ATP8B2: variants seen among roughly 807,000 people sequenced by gnomAD.
The protein encoded by ATP8B2 is ATPase phospholipid transporting 8B2.
Under a neutral mutation model 133.4 loss-of-function variants are expected in ATP8B2, and 70 were observed. That is an observed-to-expected ratio of 0.52 (90% CI 0.43 to 0.64). The LOEUF (loss-of-function observed/expected upper bound fraction) is 0.64. Ranked by LOEUF, ATP8B2 falls within the 30% of genes least tolerant of loss-of-function variation. The probability of loss-of-function intolerance (pLI) is 0.00; values close to 1 mark genes in which losing one functional copy is unlikely to be tolerated. For missense variants in ATP8B2, 1,101 were observed against 1,535.7 expected (o/e 0.72, Z 4.73); for synonymous variants, 517 against 589.5 (o/e 0.88, Z 1.78).
At position 154,349,178 on chromosome 1, in the gene ATP8B2, A is replaced by AG; in HGVS notation, c.*63dup. ...AGCACCCAGGGCTGGCCAGTCACTG[A>AG]GGGAACAGCGTCTCGGAACTGCTGG... On this transcript the variant is annotated 3_prime_UTR_variant, in exon 28 of 28. Coordinates refer to ENST00000368489, the MANE Select transcript of ATP8B2 (RefSeq NM_001370597.1). 1 of 1,569,944 alleles carries AG rather than the reference A, an allele frequency of 6.4e-7. No individual in the cohort carries two copies.
At chr1:154,332,759 C>A (rs562571797) in intron 9 of ATP8B2, 62 bp downstream of exon 9, 2 of 1,274,362 alleles carry the variant, frequency 1.6e-6, no homozygotes, top group Admixed American at 2.0e-5. Context: ...TGTTTGGGGG[C>A]GTTAAATTAT....
Position 154,343,703 on chromosome 1 carries a change from T to G in ATP8B2, c.1758+135T>G. On this transcript the variant is annotated intron_variant, in intron 17 of 27. Transcript: ENST00000368489. The surrounding 1 kb of genome is among the most constrained non-coding windows in gnomAD (Gnocchi z 5.8). Reference sequence around the variant, plus strand: ...TGATGTGTATATATAGTGAAGTGATTACTACAGTCAGACAACTTAACACAT... The same window carrying G: ...TGATGTGTATATATAGTGAAGTGATGACTACAGTCAGACAACTTAACACAT... The G allele has an allele frequency of 1.0e-6, 1 of 984,300 alleles. No homozygotes were observed. Among genetic ancestry groups the G allele is most frequent in the Non-Finnish European group, 1.5e-6 (1 of 662,842 alleles). 61.0% of individuals were successfully genotyped at this position (984,300 alleles called of 1,614,324 possible). A position where few individuals can be genotyped will look rare whatever the true frequency, so the allele number is the denominator to read the frequency against.
Position 154,343,211 on chromosome 1 carries a change from A to G in ATP8B2, c.1552A>G (p.Ile518Val), listed in dbSNP as rs1288657616. The change falls in exon 16 of 28, where the codon ATC becomes GTC. Residue 518 changes from isoleucine (I) to valine (V), a missense_variant. Coordinates refer to ENST00000368489, the MANE Select transcript of ATP8B2 (RefSeq NM_001370597.1). This position sits in a 1 kb window ranked among gnomAD's most constrained non-coding sequence, Gnocchi z 5.8. ...TTTCCGCTCTCGCACCCCCAAAACA[A>G]TCACCGTCCATGAGATGGGCACAGC... ...FVFRSRTPKT[I>V]TVHEMGTAIT... 1 of 1,614,098 alleles carries G rather than the reference A, an allele frequency of 6.2e-7. No homozygotes were observed. Among genetic ancestry groups the G allele is most frequent in the Non-Finnish European group, 8.5e-7 (1 of 1,180,020 alleles).
In ATP8B2 at chr1:154,344,945, C is replaced by A; in HGVS notation, c.2287-26C>A. 6.3e-7 allele frequency: 1 copy of A among 1,594,760 alleles called. No individual in the cohort carries two copies. On this transcript the variant is annotated intron_variant, in intron 21 of 27. Coordinates refer to ENST00000368489, the MANE Select transcript of ATP8B2 (RefSeq NM_001370597.1). The surrounding 1 kb of genome is among the most constrained non-coding windows in gnomAD (Gnocchi z 4.1). ...CCCAGGTGTCTCCTGGAAAGACTGG[C>A]TCTCTCAGGTTTCTCTGTGCTCCAG...
At chr1:154,348,355 G>A (rs564314548) in intron 26 of ATP8B2, 53 bp from the exon 27 acceptor site, 14 of 1,554,214 alleles carry the variant, frequency 9.0e-6, no homozygotes, top group Middle Eastern at 1.7e-4. Flanking sequence ...AAATGGGAAC[G>A]GGGAATGTCT....
In ATP8B2 at chr1:154,349,572, C is replaced by A; in HGVS notation, c.*454C>A. ...CAGAGACCTGCAGGGGCCTCGGCCC[C>A]TCACATCGTGTATGTCTCTCCTTGA... On this transcript the variant is annotated 3_prime_UTR_variant, in exon 28 of 28. Coordinates refer to ENST00000368489, the MANE Select transcript of ATP8B2 (RefSeq NM_001370597.1). 5.9e-6 allele frequency: 1 copy of A among 170,078 alleles called. No homozygotes were observed. Among genetic ancestry groups the A allele is most frequent in the Admixed American group, 5.5e-5 (1 of 18,150 alleles). 10.5% of individuals were successfully genotyped at this position (170,078 alleles called of 1,614,324 possible). A position where few individuals can be genotyped will look rare whatever the true frequency, so the allele number is the denominator to read the frequency against.
intron 2 of ATP8B2, chr1:154,329,055 A>G: frequency 1.5e-6 from 2 of 1,303,266 alleles, no homozygotes; most frequent in South Asian, 2.5e-5. Context: ...TGGAGCCGAA[A>G]GAAGCCCTCT....
Position 154,348,396 on chromosome 1 carries a change from C to T in ATP8B2, c.3164-12C>T. The T allele has an allele frequency of 6.3e-7, 1 of 1,595,674 alleles. No homozygotes were observed. Among genetic ancestry groups the T allele is most frequent in the Non-Finnish European group, 8.6e-7 (1 of 1,165,708 alleles). ...GTGACTCCCAAGGCCACTGACTCCT[C>T]TTCATCCCCAGGGAATGCCCAGAAC... On this transcript the variant is annotated splice_polypyrimidine_tract_variant and intron_variant, in intron 26 of 27. Transcript: ENST00000368489.
rs924610445 is a variant in ATP8B2 at position 154,345,949 on chromosome 1, C to T, written c.2778+66C>T. 3.5e-5 allele frequency: 50 copies of T among 1,411,424 alleles called. No individual in the cohort carries two copies. Among genetic ancestry groups the T allele is most frequent in the Middle Eastern group, 3.6e-4 (2 of 5,566 alleles). 87.4% of individuals were successfully genotyped at this position (1,411,424 alleles called of 1,614,324 possible). The stretch of plus-strand genomic sequence containing the variant: ...TCACTGCTTGAAGGAGTCACATAGA[C>T]GTGGTGTGTGACACTTGTGCCCATT... On this transcript the variant is annotated intron_variant, in intron 24 of 27. Transcript: ENST00000368489. The surrounding 1 kb of genome is among the most constrained non-coding windows in gnomAD (Gnocchi z 5.6).
In ATP8B2 at chr1:154,344,046, A is replaced by T; in HGVS notation, c.1912A>T (p.Asn638Tyr). The part of the protein sequence containing the change: ...RLASIYEEVE[N>Y]NMMLLGATAI... ...GGCTAGCATCTATGAGGAGGTTGAGAACAACATGATGGTACGGGCTGCGGG... is the reference window on the plus strand; with the variant it reads ...GGCTAGCATCTATGAGGAGGTTGAGTACAACATGATGGTACGGGCTGCGGG... The change falls in exon 18 of 28, where the codon AAC becomes TAC. Residue 638 changes from asparagine to tyrosine, a missense_variant. Physicochemically the swap from Asn to Tyr is moderately radical, Grantham distance 143. Transcript: ENST00000368489. This position sits in a 1 kb window ranked among gnomAD's most constrained non-coding sequence, Gnocchi z 4.1. 6 of 1,614,024 alleles carry T rather than the reference A, an allele frequency of 3.7e-6. No individual in the cohort carries two copies. The highest frequency in any genetic ancestry group is 5.1e-6 in the Non-Finnish European group (6 of 1,179,892).
chr1:154,341,899 G>A (rs1250826099), intron 13 of ATP8B2: 5 of 154,952 alleles, frequency 3.2e-5, no homozygotes, highest in Non-Finnish European at 7.2e-5. Flanking sequence ...GCTGTTTGAA[G>A]TGAGACACTG....
chr1:154,327,763 GCCGCCA>G, intron 1 of ATP8B2: 2 of 1,595,420 alleles, frequency 1.3e-6, no homozygotes, highest in Non-Finnish European at 1.7e-6. Flanking sequence ...ACTACTCATT[GCCGCCA>G]GAACACATGA....
At chr1:154,342,695 G>A in intron 14 of ATP8B2, 101 bp from the exon 15 acceptor site, 1 of 1,491,268 alleles carries the variant, frequency 6.7e-7, no homozygotes, top group South Asian at 1.2e-5. Flanking sequence ...GGTCCACCGT[G>A]GACAGGAGCC....
intron 11 of ATP8B2, among the ~76,000 whole-genome samples, chr1:154,336,640 A>G (rs34870927): frequency 0.4 from 61,029 of 151,540 alleles, 13,598 homozygotes; most frequent in East Asian, 0.61. Context: ...GGTGCCCGCC[A>G]CCACACCCGG....
Position 154,340,807 on chromosome 1 carries a change from C to T in ATP8B2, c.1035-47C>T, listed in dbSNP as rs1474768141. On this transcript the variant is annotated intron_variant, in intron 12 of 27. Transcript: ENST00000368489. This position sits in a 1 kb window ranked among gnomAD's most constrained non-coding sequence, Gnocchi z 4.0. ...AGCGAAGGCCCATGTGGGTGGGGCA[C>T]CTCCTCTTCTTCCCGACCCAAGCCT... 10 of 1,586,520 alleles carry T rather than the reference C, an allele frequency of 6.3e-6. No individual in the cohort carries two copies. Among genetic ancestry groups the T allele is most frequent in the Middle Eastern group, 1.8e-4 (1 of 5,500 alleles).
At position 154,343,861 on chromosome 1, in the gene ATP8B2, T is replaced by TA. The variant is rs774193666; in HGVS notation, c.1759-31dup. On this transcript the variant is annotated intron_variant, in intron 17 of 27. Transcript: ENST00000368489. The surrounding 1 kb of genome is among the most constrained non-coding windows in gnomAD (Gnocchi z 5.8). ...ACGCTGTCCATTAGCTCTCCAGACTTACCCAGGTGTGCCTTTCCACTCTGC... is the reference window on the plus strand; with the variant it reads ...ACGCTGTCCATTAGCTCTCCAGACTTAACCCAGGTGTGCCTTTCCACTCTGC... 6.3e-7 allele frequency: 1 copy of TA among 1,580,058 alleles called. No individual in the cohort carries two copies. Among genetic ancestry groups the TA allele is most frequent in the South Asian group, 1.2e-5 (1 of 86,650 alleles).
chr1:154,346,742 C>T lies in ATP8B2; in HGVS notation c.3147C>T (p.Asn1049=). ...HSNGLFDMFP[N]QFRFVGNAQN... Reference sequence around the variant, plus strand: ...ATGGGCTCTTCGACATGTTTCCCAACCAGTTCCGGTTTGTGGGTAAGTCCC... The same window carrying T: ...ATGGGCTCTTCGACATGTTTCCCAATCAGTTCCGGTTTGTGGGTAAGTCCC... The change falls in exon 26 of 28, where the codon AAC becomes AAT. Residue 1049 remains asparagine (N), a synonymous_variant. Transcript: ENST00000368489. The surrounding 1 kb of genome is among the most constrained non-coding windows in gnomAD (Gnocchi z 4.5). 5.6e-6 allele frequency: 9 copies of T among 1,614,204 alleles called. No individual in the cohort carries two copies. The highest frequency in any genetic ancestry group is 2.2e-5 in the East Asian group (1 of 44,880).
At position 154,346,932 on chromosome 1, in the gene ATP8B2, G is replaced by T. The variant is rs1686605093; in HGVS notation, c.3163+174G>T. ...GTCTTGCCCAGGCTGGAGTGCAGTGGTGCGATCTCGGCTCACTGCAGCCTT... is the reference window on the plus strand; with the variant it reads ...GTCTTGCCCAGGCTGGAGTGCAGTGTTGCGATCTCGGCTCACTGCAGCCTT... On this transcript the variant is annotated intron_variant, in intron 26 of 27. Transcript: ENST00000368489. This position sits in a 1 kb window ranked among gnomAD's most constrained non-coding sequence, Gnocchi z 4.5. Among the ~76,000 whole-genome samples, 1 of 152,128 alleles carries T rather than the reference G, an allele frequency of 6.6e-6. No homozygotes were observed. Among genetic ancestry groups the T allele is most frequent in the Non-Finnish European group, 1.5e-5 (1 of 68,026 alleles).
At chr1:154,332,426 T>A (rs1686025161) in intron 8 of ATP8B2, among the ~76,000 whole-genome samples, 192 bp from the exon 9 acceptor site, 1 of 152,186 alleles carries the variant, frequency 6.6e-6, no homozygotes, top group Non-Finnish European at 1.5e-5. Context: ...TATGGTGGTT[T>A]TAATGCCTAT....
Sources: allele counts gnomAD v4.1 joint callset (sites outside exome capture counted in the v4.1 genomes callset), GRCh38; gene constraint gnomAD v4.1.1; non-coding constraint Gnocchi (gnomAD v3.1); transcripts MANE v1.5; gene names NCBI Gene and HGNC (gene_info 2026-07-23, HGNC 2026-07-21).